NBN: variants seen among roughly 807,000 people sequenced by gnomAD.
The protein encoded by NBN is Nijmegen breakage syndrome 1 (nibrin).
NBN carries 88 observed loss-of-function variants against 90.8 expected under a neutral mutation model. That is an observed-to-expected ratio of 0.97 (90% CI 0.82 to 1.16). The LOEUF (loss-of-function observed/expected upper bound fraction) is 1.16, where lower values mean the gene tolerates loss of function less well. NBN is among the 50% of genes most tolerant of loss of function. NBN has a pLI of 0.00. For synonymous variants in NBN, 328 were observed against 295.1 expected (o/e 1.11, Z -1.14); for missense variants, 894 against 869.6 (o/e 1.03, Z -0.35).
Position 89,970,428 on chromosome 8 carries a change from A to T in NBN, c.832T>A (p.Ser278Thr). Residue 278 changes from serine to threonine, a missense_variant, in exon 7 of 16, where the codon TCA becomes ACA. Physicochemically the swap from Ser to Thr is moderately conservative, Grantham distance 58 (BLOSUM62 1). Coordinates refer to ENST00000265433, the MANE Select transcript of NBN (RefSeq NM_002485.5). ...TCVVDTGITN[S>T]QTLIPDCQKK... ...TGACAGTCAGGAATTAAGGTCTGTGAGTTTGTTATTCCTGTATCAACAACA... is the reference window on the plus strand; with the variant it reads ...TGACAGTCAGGAATTAAGGTCTGTGTGTTTGTTATTCCTGTATCAACAACA... 2 of 1,614,036 alleles carry T rather than the reference A, an allele frequency of 1.2e-6. No homozygotes were observed. The highest frequency in any genetic ancestry group is 2.2e-5 in the South Asian group (2 of 91,080).
At chr8:89,963,008 T>C (rs1256298530) in intron 8 of NBN, among the ~76,000 whole-genome samples, 1 of 152,212 alleles carries the variant, frequency 6.6e-6, no homozygotes, top group Non-Finnish European at 1.5e-5. Flanking sequence ...GTCAGTTCCC[T>C]CATCTACGAA....
At chr8:89,954,090 A>T (rs996090489) in intron 10 of NBN, among the ~76,000 whole-genome samples, 7 of 152,178 alleles carry the variant, frequency 4.6e-5, no homozygotes, top group African/African-American at 1.7e-4. Flanking sequence ...TGGGTTAATG[A>T]GAGATGGATT....
intron 11 of NBN, among the ~76,000 whole-genome samples, chr8:89,950,679 G>A (rs1359185721): frequency 6.6e-6 from 1 of 152,072 alleles, no homozygotes; most frequent in African/African-American, 2.4e-5. Flanking sequence ...TAGAATCATA[G>A]GGCAAAATAA....
intron 14 of NBN, among the ~76,000 whole-genome samples, chr8:89,939,439 C>CAAAAA (rs35152289): frequency 1.9e-4 from 28 of 148,160 alleles, no homozygotes; most frequent in African/African-American, 6.9e-4. Flanking sequence ...ATGAAATAAG[C>CAAAAA]AAAAAAAAAA....
chr8:89,935,621 A>G lies in NBN; in HGVS notation c.2235-9T>C, dbSNP rs1162154079. 1 of 1,605,854 alleles carries G rather than the reference A, an allele frequency of 6.2e-7. No individual in the cohort carries two copies. Among genetic ancestry groups the G allele is most frequent in the African/African-American group, 1.3e-5 (1 of 74,714 alleles). On this transcript the variant is annotated splice_polypyrimidine_tract_variant and intron_variant, in intron 15 of 15. Coordinates refer to ENST00000265433, the MANE Select transcript of NBN (RefSeq NM_002485.5). ...TTAAATAAGGATTGTATCTGCAAAG[A>G]AAGAAATGGGGTTAAATGATATTTA...
intron 1 of NBN, 142 bp from the exon 2 acceptor site, chr8:89,982,997 C>T (rs2129927376): frequency 1.1e-6 from 1 of 891,588 alleles, no homozygotes; most frequent in Non-Finnish European, 1.7e-6. Context: ...TGTTAGTCAA[C>T]TTTACATATG....
At chr8:89,961,363 G>A (rs1174429707) in intron 8 of NBN, among the ~76,000 whole-genome samples, 2 of 152,162 alleles carry the variant, frequency 1.3e-5, no homozygotes, top group Admixed American at 1.3e-4. Flanking sequence ...AAATTAGTAA[G>A]AGCCTACAAT....
intron 3 of NBN, 94 bp from the exon 4 acceptor site, chr8:89,980,987 C>G: frequency 9.5e-7 from 1 of 1,057,968 alleles, no homozygotes; most frequent in African/African-American, 1.6e-5. Context: ...ACATCATATA[C>G]TGTTATTGTA....
At chr8:89,943,137 ATGAATGACTTTATGTCACTTATTT>A in intron 14 of NBN, 92 bp downstream of exon 14, 1 of 1,045,478 alleles carries the variant, frequency 9.6e-7, no homozygotes, top group Non-Finnish European at 1.5e-6. Flanking sequence ...ATGCTCCTGA[ATGAATGACTTTATGTCACTTATTT>A]TAATTTGGTT....
At chr8:89,984,173 C>G (rs1812213266) in intron 1 of NBN, 1 of 428,506 alleles carries the variant, frequency 2.3e-6, no homozygotes. Context: ...TAACTTCCTG[C>G]CGGGGGTTCC....
At chr8:89,978,727 A>ATG in intron 4 of NBN, among the ~76,000 whole-genome samples, 1 of 152,354 alleles carries the variant, frequency 6.6e-6, no homozygotes, top group South Asian at 2.1e-4. Flanking sequence ...ATATTAGGAG[A>ATG]TGAACATGAG....
chr8:89,973,756 CAAAA>C (rs1811619296), intron 5 of NBN, among the ~76,000 whole-genome samples: 1 of 152,076 alleles, frequency 6.6e-6, no homozygotes, highest in Non-Finnish European at 1.5e-5. Context: ...TAAACTAGTA[CAAAA>C]ACTGGAAAAT....
chr8:89,946,375 AAAAAAGTT>A, intron 12 of NBN, 80 bp from the exon 13 acceptor site: 7 of 1,252,526 alleles, frequency 5.6e-6, no homozygotes, highest in Non-Finnish European at 8.1e-6. Flanking sequence ...GAATCTATAG[AAAAAAGTT>A]CAAATACCTG....
At chr8:89,953,826 A>C in intron 10 of NBN, 135 bp from the exon 11 acceptor site, 1 of 714,026 alleles carries the variant, frequency 1.4e-6, no homozygotes, top group Non-Finnish European at 2.3e-6. Context: ...ATATTACTGG[A>C]AATCAACAAA....
chr8:89,939,259 G>T (rs936188737), intron 14 of NBN, among the ~76,000 whole-genome samples: 66 of 46,674 alleles, frequency 1.4e-3, no homozygotes, highest in Admixed American at 0.012. Context: ...GCAGCAAACA[G>T]GGAAATGAGA....
chr8:89,949,053 T>A, intron 11 of NBN, among the ~76,000 whole-genome samples: 1 of 152,206 alleles, frequency 6.6e-6, no homozygotes, highest in Admixed American at 6.5e-5. Context: ...GGATTCTACC[T>A]CAATGCCTAT....
At chr8:89,977,686 C>A (rs1336817044) in intron 5 of NBN, among the ~76,000 whole-genome samples, 1 of 152,196 alleles carries the variant, frequency 6.6e-6, no homozygotes, top group South Asian at 2.1e-4. Context: ...TTTACACCCC[C>A]ACCAACAGTG....
In NBN at chr8:89,947,212, T is replaced by C. The variant is rs182960090; in HGVS notation, c.1914+612A>G. The stretch of plus-strand genomic sequence containing the variant: ...CTAGAAAAGCATCAACCTCATTTTA[T>C]AGAGTATTTGAGGTTCTTAAATGTG... On this transcript the variant is annotated intron_variant, in intron 12 of 15. Coordinates refer to ENST00000265433, the MANE Select transcript of NBN (RefSeq NM_002485.5). Among the ~76,000 whole-genome samples, 5 of 152,356 alleles carry C rather than the reference T, an allele frequency of 3.3e-5. No homozygotes were observed. In the East Asian group the frequency reaches 9.6e-4, roughly 29 times the overall value.
chr8:89,981,237 A>G (rs1474957189), intron 3 of NBN, 138 bp downstream of exon 3: 3 of 915,174 alleles, frequency 3.3e-6, no homozygotes, highest in Non-Finnish European at 3.4e-6. Flanking sequence ...CTCACCACCC[A>G]TGGCACAGAG....
Sources: allele counts gnomAD v4.1 joint callset (sites outside exome capture counted in the v4.1 genomes callset), GRCh38; gene constraint gnomAD v4.1.1; transcripts MANE v1.5; gene names NCBI Gene and HGNC (gene_info 2026-07-23, HGNC 2026-07-21).